The following RORA variants were observed in gnomAD, a reference collection of about 807,000 sequenced individuals.
RORA encodes the protein RAR related orphan receptor A.
A neutral mutation model predicts 69.5 loss-of-function variants in RORA; 7 were observed. The observed-to-expected ratio is 0.10, with a 90% CI of 0.06 to 0.19. RORA has a LOEUF of 0.19. Among genes scored for constraint, RORA ranks in the 10% least tolerant of loss-of-function variants. RORA has a pLI of 1.00. For synonymous variants in RORA, 261 were observed against 240.8 expected (o/e 1.08, Z -0.78); for missense variants, 457 against 663.0 (o/e 0.69, Z 3.41).
chr15:61,015,675 C>T (rs1895257582), intron 1 of RORA, among the ~76,000 whole-genome samples: 1 of 152,144 alleles, frequency 6.6e-6, no homozygotes, highest in South Asian at 2.1e-4. Context: ...AAATGTGGGG[C>T]TTAAAGAGAT....
At chr15:60,597,200 T>A (rs561319561) in intron 2 of RORA, among the ~76,000 whole-genome samples, 1 of 152,052 alleles carries the variant, frequency 6.6e-6, no homozygotes, top group East Asian at 1.9e-4. Flanking sequence ...AGGTGAAAGA[T>A]TTGACTAAAT....
intron 1 of RORA, among the ~76,000 whole-genome samples, chr15:60,762,885 C>T (rs1425536742): frequency 6.6e-6 from 1 of 152,044 alleles, no homozygotes; most frequent in African/African-American, 2.4e-5. Flanking sequence ...CTACCTGATT[C>T]TTGAAGGACA....
intron 1 of RORA, among the ~76,000 whole-genome samples, chr15:60,903,262 C>A (rs934151043): frequency 6.6e-6 from 1 of 152,168 alleles, no homozygotes; most frequent in Non-Finnish European, 1.5e-5. Flanking sequence ...GCACATGAAG[C>A]CTGCAAAACT....
chr15:61,160,967 C>T (rs928328548), intron 1 of RORA, among the ~76,000 whole-genome samples: 4 of 152,122 alleles, frequency 2.6e-5, no homozygotes, highest in Non-Finnish European at 5.9e-5. Flanking sequence ...GGGGCAAGCA[C>T]GGATGTTTGG....
intron 1 of RORA, among the ~76,000 whole-genome samples, chr15:60,753,908 TA>T (rs1229555051): frequency 2.0e-5 from 3 of 152,212 alleles, no homozygotes; most frequent in Non-Finnish European, 2.9e-5. Context: ...AGCATCACGA[TA>T]CATGTGGAGC....
intron 1 of RORA, among the ~76,000 whole-genome samples, chr15:60,998,784 G>C (rs1022215929): frequency 6.6e-6 from 1 of 152,166 alleles, no homozygotes; most frequent in Non-Finnish European, 1.5e-5. Context: ...TCTCAGCTTG[G>C]CCAGGGCCCA....
At chr15:60,675,458 A>G (rs1470460680) in intron 2 of RORA, among the ~76,000 whole-genome samples, 1 of 152,226 alleles carries the variant, frequency 6.6e-6, no homozygotes, top group Non-Finnish European at 1.5e-5. Flanking sequence ...TTTCCTATCA[A>G]CAATTGAAGA....
At chr15:60,634,887 C>T (rs1227266808) in intron 2 of RORA, among the ~76,000 whole-genome samples, 1 of 152,080 alleles carries the variant, frequency 6.6e-6, no homozygotes, top group Non-Finnish European at 1.5e-5. Flanking sequence ...GCTTTCATTC[C>T]AGAATGATGT....
rs200248154 is a variant in RORA at position 60,556,825 on chromosome 15, G to A, written c.197-24974C>T. 3,108 of 1,544,822 alleles carry A rather than the reference G, an allele frequency of 2.0e-3. 10 individuals are homozygous for A. The highest frequency in any genetic ancestry group is 2.5e-3 in the Non-Finnish European group (2,769 of 1,122,792). ...AAGCCTTCGTAAATGAAGAAACCTT[G>A]CAAATTACAGTGGATGTTTCCCCTC... On this transcript the variant is annotated intron_variant, in intron 2 of 10. Transcript: ENST00000335670.
chr15:60,786,628 G>A, intron 1 of RORA, among the ~76,000 whole-genome samples: 1 of 152,214 alleles, frequency 6.6e-6, no homozygotes, highest in Non-Finnish European at 1.5e-5. Flanking sequence ...TAGGGCTACT[G>A]AGCAGCTTCG....
At chr15:60,771,569 C>T (rs1017351685) in intron 1 of RORA, among the ~76,000 whole-genome samples, 1 of 152,152 alleles carries the variant, frequency 6.6e-6, no homozygotes, top group Admixed American at 6.5e-5. Context: ...TGATTGTCAC[C>T]GAGCTGCTCT....
chr15:60,874,128 T>C (rs2073588456), intron 1 of RORA, among the ~76,000 whole-genome samples: 1 of 152,192 alleles, frequency 6.6e-6, no homozygotes. Flanking sequence ...AAAAATCTCA[T>C]TTTATAATAA....
intron 2 of RORA, among the ~76,000 whole-genome samples, chr15:60,555,438 G>A (rs1165994622): frequency 2.6e-5 from 4 of 152,094 alleles, no homozygotes; most frequent in Admixed American, 6.5e-5. Context: ...TCACAATAAC[G>A]CTTTTAAACC....
At chr15:60,520,062 A>C (rs2066111633) in intron 3 of RORA, 1 of 152,160 alleles carries the variant, frequency 6.6e-6, no homozygotes, top group Non-Finnish European at 1.5e-5. Context: ...ATTTGGGGAA[A>C]GCAGGCACGC....
intron 2 of RORA, among the ~76,000 whole-genome samples, chr15:60,593,862 T>C (rs1596030840): frequency 6.6e-6 from 1 of 152,126 alleles, no homozygotes; most frequent in South Asian, 2.1e-4. Context: ...CTCTTGCCCC[T>C]GAGTTGGGCC....
At chr15:60,837,039 T>TTC (rs1292783330) in intron 1 of RORA, among the ~76,000 whole-genome samples, 1 of 19,298 alleles carries the variant, frequency 5.2e-5, no homozygotes, top group Non-Finnish European at 7.5e-4. Context: ...TACCTTGACC[T>TTC]TTTTTTTTTT....
At chr15:60,987,462 CT>C (rs1490146293) in intron 1 of RORA, among the ~76,000 whole-genome samples, 7 of 152,184 alleles carry the variant, frequency 4.6e-5, no homozygotes, top group African/African-American at 1.7e-4. Context: ...ATCACAGATT[CT>C]TTATCATAAA....
intron 1 of RORA, among the ~76,000 whole-genome samples, chr15:60,933,764 T>C (rs1436166768): frequency 6.6e-6 from 1 of 152,254 alleles, no homozygotes; most frequent in Non-Finnish European, 1.5e-5. Context: ...TGGTATTTCA[T>C]ACCAGAGGTG....
intron 2 of RORA, among the ~76,000 whole-genome samples, chr15:60,555,005 C>T (rs1323605921): frequency 3.3e-5 from 5 of 152,058 alleles, no homozygotes; most frequent in African/African-American, 1.2e-4. Context: ...GCATTATCTC[C>T]AAGAGCTTCC....
Sources: allele counts gnomAD v4.1 joint callset (sites outside exome capture counted in the v4.1 genomes callset), GRCh38; gene constraint gnomAD v4.1.1; transcripts MANE v1.5; gene names NCBI Gene and HGNC (gene_info 2026-07-23, HGNC 2026-07-21).